The following HNRNPLL variants were observed in gnomAD, a reference collection of about 807,000 sequenced individuals.
The protein encoded by HNRNPLL is heterogeneous nuclear ribonucleoprotein L like.
A neutral mutation model predicts 67.1 loss-of-function variants in HNRNPLL; 25 were observed. The ratio of observed to expected loss-of-function variants is 0.37; its 90% CI spans 0.27 to 0.52. The LOEUF is 0.52. Among genes scored for constraint, HNRNPLL ranks in the 20% least tolerant of loss-of-function variants. The probability of loss-of-function intolerance (pLI) is 0.90; values close to 1 mark genes in which losing one functional copy is unlikely to be tolerated. For missense variants in HNRNPLL, 542 were observed against 673.9 expected, an observed-to-expected ratio of 0.80 and a Z score of 2.17; for synonymous variants, 267 against 241.7, an observed-to-expected ratio of 1.10 and a Z score of -0.97.
chr2:38,581,640 G>C (rs1286547615), intron 6 of HNRNPLL: 1 of 511,986 alleles, frequency 2.0e-6, no homozygotes, highest in African/African-American at 1.9e-5. Context: ...CAAAGAGAGA[G>C]AGCTGCTTGG....
chr2:38,602,908 C>T lies in HNRNPLL; in HGVS notation c.-282G>A, dbSNP rs561083331. ...TCCTCCTCCGTCTCCGCTCCCTGCC[C>T]GGAGGAGCGAATCTAAGGATGGGGA... is the stretch of plus-strand genomic sequence containing the variant. On this transcript the variant is annotated 5_prime_UTR_variant, in exon 1 of 13. Coordinates refer to ENST00000449105, the MANE Select transcript of HNRNPLL (RefSeq NM_138394.4). 6.5e-5 allele frequency: 100 copies of T among 1,535,644 alleles called. No homozygotes were observed. The South Asian group carries it at 1.1e-3, about 17-fold the overall frequency.
At position 38,573,423 on chromosome 2, in the gene HNRNPLL, G is replaced by A; in HGVS notation, c.879C>T (p.Ser293=). The change falls in exon 8 of 13, where the codon TCC becomes TCT. Residue 293 remains serine (S), a synonymous_variant. Coordinates refer to ENST00000449105, the MANE Select transcript of HNRNPLL (RefSeq NM_138394.4). ...TTGGTAAAGGCAATAATGGACCATG[G>A]GATCCTATAAAAATGATCAAAATAA... is the stretch of plus-strand genomic sequence containing the variant. ...PSSFRHDGYG[S]HGPLLPLPSR... The A allele has an allele frequency of 6.3e-7, 1 of 1,597,188 alleles. No homozygotes were observed. Among genetic ancestry groups the A allele is most frequent in the East Asian group, 2.2e-5 (1 of 44,714 alleles).
chr2:38,574,467 T>C (rs986839569), intron 7 of HNRNPLL, among the ~76,000 whole-genome samples: 1 of 151,886 alleles, frequency 6.6e-6, no homozygotes, highest in African/African-American at 2.4e-5. Flanking sequence ...ACCCAAGTCC[T>C]TTCTCTATTT....
At chr2:38,582,043 T>A (rs760569244) in intron 5 of HNRNPLL, 29 bp downstream of exon 5, 1 of 1,602,062 alleles carries the variant, frequency 6.2e-7, no homozygotes, top group East Asian at 2.2e-5. Flanking sequence ...TAAATATTTC[T>A]TGGGTAGGGT....
At chr2:38,591,397 G>A (rs1666952321) in intron 2 of HNRNPLL, 133 bp downstream of exon 2, 2 of 659,066 alleles carry the variant, frequency 3.0e-6, no homozygotes, top group Non-Finnish European at 5.5e-6. Flanking sequence ...TACAGTCATA[G>A]GCAAACAATA....
At chr2:38,580,291 C>CA (rs1666473044) in intron 6 of HNRNPLL, among the ~76,000 whole-genome samples, 1 of 152,134 alleles carries the variant, frequency 6.6e-6, no homozygotes, top group Non-Finnish European at 1.5e-5. Context: ...TGTACCAACC[C>CA]AAGGCCAGGC....
chr2:38,597,010 A>G (rs761726473), intron 1 of HNRNPLL, among the ~76,000 whole-genome samples: 3 of 152,166 alleles, frequency 2.0e-5, no homozygotes, highest in Non-Finnish European at 4.4e-5. Context: ...TCAGGGACAA[A>G]CTCTTAATAA....
rs1483969589 is a variant in HNRNPLL at position 38,562,003 on chromosome 2, T to C, written c.*2179A>G. 3 of 152,206 alleles carry C rather than the reference T, an allele frequency of 2.0e-5. No homozygotes were observed. The highest frequency in any genetic ancestry group is 7.2e-5 in the African/African-American group (3 of 41,462). 9.4% of individuals were successfully genotyped at this position (152,206 alleles called of 1,614,324 possible). A position where few individuals can be genotyped will look rare whatever the true frequency, so the allele number is the denominator to read the frequency against. On this transcript the variant is annotated 3_prime_UTR_variant, in exon 13 of 13. Transcript: ENST00000449105. ...TCAGTTTGGCAGATTTATTATCAAA[T>C]GTGTAGTAGGATTTGGATACAGAGA...
At chr2:38,593,689 C>A (rs978275780) in intron 1 of HNRNPLL, among the ~76,000 whole-genome samples, 1 of 152,068 alleles carries the variant, frequency 6.6e-6, no homozygotes, top group Non-Finnish European at 1.5e-5. Flanking sequence ...GAGTTCCAGA[C>A]CAGCCTGGCC....
At chr2:38,599,891 A>G in intron 1 of HNRNPLL, 1 of 471,434 alleles carries the variant, frequency 2.1e-6, no homozygotes, top group Non-Finnish European at 4.4e-6. Flanking sequence ...CCATCATTGT[A>G]CCTAACCTGC....
intron 8 of HNRNPLL, among the ~76,000 whole-genome samples, chr2:38,571,112 C>A (rs1443641693): frequency 6.6e-6 from 1 of 151,834 alleles, no homozygotes; most frequent in African/African-American, 2.4e-5. Context: ...GAGACAGAGA[C>A]AGACAGAGAT....
At chr2:38,590,377 GGTAA>G (rs989412101) in intron 2 of HNRNPLL, among the ~76,000 whole-genome samples, 5 of 151,904 alleles carry the variant, frequency 3.3e-5, no homozygotes, top group Non-Finnish European at 5.9e-5. Flanking sequence ...AAGCAGTAAG[GGTAA>G]GTATCTCAGA....
rs916925210 is a variant in HNRNPLL at position 38,563,580 on chromosome 2, C to G, written c.*602G>C. 1.3e-5 allele frequency: 2 copies of G among 151,816 alleles called. No homozygotes were observed. Among genetic ancestry groups the G allele is most frequent in the Non-Finnish European group, 2.9e-5 (2 of 67,904 alleles). 9.4% of individuals were successfully genotyped at this position (151,816 alleles called of 1,614,324 possible). On this transcript the variant is annotated 3_prime_UTR_variant, in exon 13 of 13. Coordinates refer to ENST00000449105, the MANE Select transcript of HNRNPLL (RefSeq NM_138394.4). Reference sequence around the variant, plus strand: ...GCATGTCAATACAAATGGACAGTGACTTAAAAAAAAATACACCAATTTAAA... The same window carrying G: ...GCATGTCAATACAAATGGACAGTGAGTTAAAAAAAAATACACCAATTTAAA...
At chr2:38,582,211 T>TA in intron 4 of HNRNPLL, 43 bp from the exon 5 acceptor site, 1 of 1,261,872 alleles carries the variant, frequency 7.9e-7, no homozygotes, top group Non-Finnish European at 1.2e-6. Context: ...ATCTGATACT[T>TA]AATCATTATT....
rs1665704703 is a variant in HNRNPLL at position 38,562,368 on chromosome 2, A to G, written c.*1814T>C. 6.6e-6 allele frequency: 1 copy of G among 152,100 alleles called. No homozygotes were observed. 9.4% of individuals were successfully genotyped at this position (152,100 alleles called of 1,614,324 possible). A position where few individuals can be genotyped will look rare whatever the true frequency, so the allele number is the denominator to read the frequency against. ...GATAAAAATCATTTCTACACATCTA[A>G]ACTAATTAAAATCTAAATGAAATAA... On this transcript the variant is annotated 3_prime_UTR_variant, in exon 13 of 13. Coordinates refer to ENST00000449105, the MANE Select transcript of HNRNPLL (RefSeq NM_138394.4).
intron 1 of HNRNPLL, among the ~76,000 whole-genome samples, chr2:38,598,987 T>C (rs1280621712): frequency 1.3e-5 from 2 of 152,222 alleles, no homozygotes; most frequent in African/African-American, 4.8e-5. Context: ...TACACAGTCT[T>C]CTAAACTTCT....
chr2:38,580,235 C>G (rs1024137090), intron 6 of HNRNPLL, among the ~76,000 whole-genome samples: 3 of 152,100 alleles, frequency 2.0e-5, no homozygotes, highest in South Asian at 4.1e-4. Flanking sequence ...ACCACTTGTC[C>G]GGTTGTTTCA....
chr2:38,584,429 T>A (rs1169640374), intron 3 of HNRNPLL, among the ~76,000 whole-genome samples: 1 of 152,174 alleles, frequency 6.6e-6, no homozygotes, highest in African/African-American at 2.4e-5. Flanking sequence ...ATTAAAGAAG[T>A]TCCAATGGAA....
At chr2:38,600,729 G>A (rs979874763) in intron 1 of HNRNPLL, among the ~76,000 whole-genome samples, 3 of 149,976 alleles carry the variant, frequency 2.0e-5, no homozygotes, top group African/African-American at 7.4e-5. Context: ...CCAGCCCCGG[G>A]CCATAGAGTG....
Sources: gnomAD v4.1 joint callset for allele counts (sites outside exome capture counted in the v4.1 genomes callset) on GRCh38, gnomAD v4.1.1 for gene constraint, MANE v1.5 for transcripts, NCBI Gene and HGNC (gene_info 2026-07-23, HGNC 2026-07-21) for gene names.